GLI3: variants seen among roughly 807,000 people sequenced by gnomAD.
The protein encoded by GLI3 is transcription activator GLI3.
Under a neutral mutation model 100.8 loss-of-function variants are expected in GLI3, and 20 were observed. The observed-to-expected ratio is 0.20, with a 90% CI of 0.14 to 0.29. The LOEUF (loss-of-function observed/expected upper bound fraction) is 0.29, where lower values mean the gene tolerates loss of function less well. Ranked by LOEUF, GLI3 falls within the 10% of genes least tolerant of loss-of-function variation. The probability of loss-of-function intolerance (pLI) is 1.00; values close to 1 mark genes in which losing one functional copy is unlikely to be tolerated. For synonymous variants in GLI3, 938 were observed against 860.5 expected (o/e 1.09, Z -1.58); for missense variants, 2,040 against 2,128.5 (o/e 0.96, Z 0.82).
chr7:42,144,541 CT>C (rs552035297), intron 3 of GLI3, among the ~76,000 whole-genome samples: 158 of 148,246 alleles, frequency 1.1e-3, no homozygotes, highest in African/African-American at 3.4e-3. Flanking sequence ...TTTCTTTTTT[CT>C]TTTTTTTTTA....
chr7:42,172,883 T>C (rs1445425984), intron 2 of GLI3, among the ~76,000 whole-genome samples: 2 of 152,208 alleles, frequency 1.3e-5, no homozygotes, highest in African/African-American at 4.8e-5. Flanking sequence ...ATTCCACATT[T>C]TACAATTATG....
At chr7:42,166,197 C>G (rs867539796) in intron 2 of GLI3, among the ~76,000 whole-genome samples, 1 of 152,348 alleles carries the variant, frequency 6.6e-6, no homozygotes, top group South Asian at 2.1e-4. Flanking sequence ...CAGAGCATTT[C>G]TTACCTTGTT....
chr7:42,157,592 A>C (rs1704347182), intron 2 of GLI3, among the ~76,000 whole-genome samples: 1 of 152,252 alleles, frequency 6.6e-6, no homozygotes, highest in Admixed American at 6.5e-5. Flanking sequence ...TTCTATACAA[A>C]ATTTCTAAAC....
At position 41,967,631 on chromosome 7, in the gene GLI3, G is replaced by C; in HGVS notation, c.2396C>G (p.Pro799Arg). Residue 799 changes from proline (P) to arginine (R), a missense_variant, in exon 14 of 15, where the codon CCT becomes CGT. Around this residue, in one of 5 missense-constraint regions of GLI3, gnomAD observed 327 missense variants for 338.7 expected, o/e 0.97. Coordinates refer to ENST00000395925, the MANE Select transcript of GLI3 (RefSeq NM_000168.6). ...GAGAGGAGAGACCGCAGGGGCTTTA[G>C]GGGGTAGAATGGGGTTCAGTCGCGG... ...MFPRLNPILPPKAPAVSPLIG... is the reference protein window; with the variant it reads ...MFPRLNPILPRKAPAVSPLIG... 2.5e-6 allele frequency: 4 copies of C among 1,613,836 alleles called. No homozygotes were observed. The highest frequency in any genetic ancestry group is 8.5e-7 in the Non-Finnish European group (1 of 1,179,860).
intron 3 of GLI3, among the ~76,000 whole-genome samples, chr7:42,077,932 G>A (rs538780837): frequency 1.3e-5 from 2 of 152,250 alleles, no homozygotes; most frequent in South Asian, 4.1e-4. Flanking sequence ...CAAATGTGAC[G>A]GGTCCACACT....
chr7:42,034,730 C>T (rs1431683570), intron 7 of GLI3, among the ~76,000 whole-genome samples: 1 of 152,142 alleles, frequency 6.6e-6, no homozygotes, highest in Non-Finnish European at 1.5e-5. Context: ...GCCCGTGGTG[C>T]TATTCTTTCT....
rs374065975 is a variant in GLI3, at chr7:42,092,258, C to G, written c.368-15401G>C. Reference sequence around the variant, plus strand: ...TCATCTGAGAAAACACCAAAGCGAGCAGCTACACCTCCCCTACCCCGGTGA... The same window carrying G: ...TCATCTGAGAAAACACCAAAGCGAGGAGCTACACCTCCCCTACCCCGGTGA... On this transcript the variant is annotated intron_variant, in intron 3 of 14. Transcript: ENST00000395925. Among the ~76,000 whole-genome samples the G allele has an allele frequency of 2.2e-4, 33 of 152,210 alleles. 1 individual carries two copies. The highest frequency in any genetic ancestry group is 1.3e-3 in the East Asian group (7 of 5,198).
At chr7:42,229,444 G>A (rs764031782) in intron 1 of GLI3, among the ~76,000 whole-genome samples, 2 of 152,148 alleles carry the variant, frequency 1.3e-5, no homozygotes, top group South Asian at 4.1e-4. Context: ...GTAGTTTAGG[G>A]AACTATTACT....
At chr7:42,215,670 ATGGGAG>A (rs1292964230) in intron 2 of GLI3, among the ~76,000 whole-genome samples, 1 of 152,212 alleles carries the variant, frequency 6.6e-6, no homozygotes, top group African/African-American at 2.4e-5. Context: ...AATTTGAAAA[ATGGGAG>A]TGATATTTAT....
chr7:42,205,905 A>C (rs1333287877), intron 2 of GLI3, among the ~76,000 whole-genome samples: 1 of 152,190 alleles, frequency 6.6e-6, no homozygotes, highest in African/African-American at 2.4e-5. Flanking sequence ...AAAAACGACT[A>C]AGATTGCTTC....
intron 4 of GLI3, among the ~76,000 whole-genome samples, chr7:42,051,566 T>G (rs930119540): frequency 1.3e-5 from 2 of 152,236 alleles, no homozygotes; most frequent in African/African-American, 4.8e-5. Context: ...CATGTGTATA[T>G]GTACACAGAT....
At chr7:41,976,856 G>GC (rs1787526778) in intron 12 of GLI3, among the ~76,000 whole-genome samples, 1 of 152,190 alleles carries the variant, frequency 6.6e-6, no homozygotes, top group South Asian at 2.1e-4. Flanking sequence ...TAAAATGTAA[G>GC]CAATGAATTT....
chr7:41,978,946 G>A (rs912685952), intron 10 of GLI3, among the ~76,000 whole-genome samples, 198 bp from the exon 11 acceptor site: 2 of 152,208 alleles, frequency 1.3e-5, no homozygotes, highest in African/African-American at 4.8e-5. Flanking sequence ...GTGTATGCAT[G>A]CTTCCTAACC....
intron 8 of GLI3, 83 bp downstream of exon 8, chr7:42,026,116 G>A (rs1426637999): frequency 9.5e-6 from 8 of 845,962 alleles, no homozygotes; most frequent in East Asian, 5.3e-5. Context: ...CAGAGGTGCC[G>A]TGTTGATTAA....
At chr7:42,113,263 G>T in intron 3 of GLI3, 1 of 524,998 alleles carries the variant, frequency 1.9e-6, no homozygotes, top group Non-Finnish European at 3.6e-6. Context: ...GTACGGAGCA[G>T]TGTGAAGAAG....
intron 3 of GLI3, among the ~76,000 whole-genome samples, chr7:42,147,897 C>T (rs1476685285): frequency 6.6e-6 from 1 of 152,114 alleles, no homozygotes; most frequent in African/African-American, 2.4e-5. Flanking sequence ...TTTTCTCCTG[C>T]AGCATCTGTT....
At chr7:41,999,571 C>A (rs888145053) in intron 10 of GLI3, among the ~76,000 whole-genome samples, 1 of 152,056 alleles carries the variant, frequency 6.6e-6, no homozygotes, top group Non-Finnish European at 1.5e-5. Flanking sequence ...ATCTCCAACG[C>A]CCTGCATCAG....
chr7:42,186,953 T>C (rs1350821995), intron 2 of GLI3, among the ~76,000 whole-genome samples: 4 of 152,034 alleles, frequency 2.6e-5, no homozygotes, highest in Non-Finnish European at 5.9e-5. Context: ...GCTATGCCTA[T>C]AATCCCAGCA....
At chr7:42,246,451 GT>G (rs1449491081) in intron 1 of GLI3, among the ~76,000 whole-genome samples, 2 of 152,098 alleles carry the variant, frequency 1.3e-5, no homozygotes, top group African/African-American at 2.4e-5. Flanking sequence ...ATATGTGAAA[GT>G]TTTTTTGTTC....
Sources: gnomAD v4.1 joint callset for allele counts (sites outside exome capture counted in the v4.1 genomes callset) on GRCh38, gnomAD v4.1.1 for gene constraint, gnomAD v4.1.1 regional missense constraint, MANE v1.5 for transcripts, NCBI Gene and HGNC (gene_info 2026-07-23, HGNC 2026-07-21) for gene names.